The following CDH4 variants were observed in gnomAD, a reference collection of about 807,000 sequenced individuals.
CDH4 encodes the protein cadherin-4.
Under a neutral mutation model 86.0 loss-of-function variants are expected in CDH4, and 33 were observed. The observed-to-expected ratio is 0.38, with a 90% CI of 0.29 to 0.51. The LOEUF is 0.51. Among genes scored for constraint, CDH4 ranks in the 20% least tolerant of loss-of-function variants. The pLI, the probability that CDH4 is intolerant of heterozygous loss-of-function variation, is 0.86. For missense variants in CDH4, 1,114 were observed against 1,307.4 expected, an observed-to-expected ratio of 0.85 and a Z score of 2.28; for synonymous variants, 555 against 549.4, an observed-to-expected ratio of 1.01 and a Z score of -0.14.
Position 61,582,555 on chromosome 20 carries a change from G to A in CDH4, c.170-161008G>A, listed in dbSNP as rs112321879. Among the ~76,000 whole-genome samples the A allele has an allele frequency of 6.6e-6, 1 of 152,166 alleles. No homozygotes were observed. Among genetic ancestry groups the A allele is most frequent in the Non-Finnish European group, 1.5e-5 (1 of 68,026 alleles). ...GTAGACTTCCCTCCCAGTGCTTCCG[G>A]GGAGAGTCTCCCCAGTTGCACCCAG... On this transcript the variant is annotated intron_variant, in intron 2 of 15. Coordinates refer to ENST00000614565, the MANE Select transcript of CDH4 (RefSeq NM_001794.5). The surrounding 1 kb of genome is among the most constrained non-coding windows in gnomAD (Gnocchi z 4.2).
chr20:61,565,080 G>GTGCTCT (rs2086256059), intron 2 of CDH4, among the ~76,000 whole-genome samples: 1 of 125,674 alleles, frequency 8.0e-6, no homozygotes, highest in Admixed American at 7.7e-5. Context: ...GGTGGTGGTG[G>GTGCTCT]TGGTGGTGCT....
At chr20:61,839,802 A>G (rs1047062283) in intron 4 of CDH4, among the ~76,000 whole-genome samples, 1 of 148,422 alleles carries the variant, frequency 6.7e-6, no homozygotes, top group Non-Finnish European at 1.5e-5. Context: ...CTGTGTGTGT[A>G]TTGAGTGCAC....
intron 11 of CDH4, among the ~76,000 whole-genome samples, chr20:61,927,901 C>T (rs1057275249): frequency 1.2e-4 from 18 of 151,446 alleles, no homozygotes; most frequent in Non-Finnish European, 2.2e-4. Flanking sequence ...TGTGCAGCTG[C>T]GGGTGTGGGT....
intron 4 of CDH4, among the ~76,000 whole-genome samples, chr20:61,787,081 C>T (rs1238286823): frequency 4.6e-5 from 7 of 151,930 alleles, no homozygotes; most frequent in African/African-American, 1.7e-4. Flanking sequence ...CTGTGGTGGC[C>T]ATTATCCATC....
intron 2 of CDH4, among the ~76,000 whole-genome samples, chr20:61,462,834 G>A (rs1261669601): frequency 6.6e-6 from 1 of 152,190 alleles, no homozygotes; most frequent in South Asian, 2.1e-4. Flanking sequence ...AAGGAGGGAG[G>A]TGGACAGTCA....
intron 2 of CDH4, among the ~76,000 whole-genome samples, chr20:61,658,060 A>T (rs1270418034): frequency 1.3e-5 from 2 of 152,130 alleles, no homozygotes; most frequent in African/African-American, 4.8e-5. Context: ...TAAGTCTCCC[A>T]GGACCCCAGC....
intron 2 of CDH4, among the ~76,000 whole-genome samples, chr20:61,334,870 A>C (rs1440007040): frequency 6.6e-6 from 1 of 152,178 alleles, no homozygotes; most frequent in Non-Finnish European, 1.5e-5. Context: ...TGTGCTGAGA[A>C]ACTCCACTTT....
chr20:61,710,357 G>A (rs781172107), intron 2 of CDH4, among the ~76,000 whole-genome samples: 1 of 152,192 alleles, frequency 6.6e-6, no homozygotes, highest in Non-Finnish European at 1.5e-5. Context: ...TGAAGGCATT[G>A]AGTGCTTGAG....
chr20:61,735,233 G>A (rs1407200950), intron 2 of CDH4, among the ~76,000 whole-genome samples: 1 of 152,174 alleles, frequency 6.6e-6, no homozygotes, highest in Non-Finnish European at 1.5e-5. Flanking sequence ...GGACTCCCCC[G>A]TCTCCCCAGC....
At chr20:61,404,054 T>C (rs2085065342) in intron 2 of CDH4, among the ~76,000 whole-genome samples, 1 of 152,190 alleles carries the variant, frequency 6.6e-6, no homozygotes, top group Non-Finnish European at 1.5e-5. Flanking sequence ...CACATGCCGT[T>C]GATCAGAAAG....
At chr20:61,746,055 G>A (rs930167810) in intron 3 of CDH4, among the ~76,000 whole-genome samples, 6 of 152,094 alleles carry the variant, frequency 3.9e-5, no homozygotes, top group African/African-American at 1.2e-4. Flanking sequence ...CATGTCCCAG[G>A]CTCAGCGCAC....
chr20:61,323,477 C>T (rs2084520071), intron 2 of CDH4, among the ~76,000 whole-genome samples: 1 of 152,208 alleles, frequency 6.6e-6, no homozygotes, highest in African/African-American at 2.4e-5. Flanking sequence ...AACAATACAC[C>T]AAACACAAAA....
At chr20:61,617,061 G>A (rs2086730944) in intron 2 of CDH4, among the ~76,000 whole-genome samples, 1 of 152,200 alleles carries the variant, frequency 6.6e-6, no homozygotes, top group African/African-American at 2.4e-5. Flanking sequence ...ACACCCACAA[G>A]TGACTTGGAA....
At chr20:61,571,316 G>A (rs1251101825) in intron 2 of CDH4, among the ~76,000 whole-genome samples, 6 of 152,160 alleles carry the variant, frequency 3.9e-5, no homozygotes, top group Non-Finnish European at 8.8e-5. Context: ...ACTCAGGTGC[G>A]TGGCTGATGT....
chr20:61,527,857 C>T (rs576446751), intron 2 of CDH4, among the ~76,000 whole-genome samples: 7 of 152,188 alleles, frequency 4.6e-5, no homozygotes, highest in African/African-American at 1.4e-4. Context: ...AGGGCAGCAG[C>T]ACTGGGCAGG....
chr20:61,286,028 T>C (rs1470345990), intron 2 of CDH4, among the ~76,000 whole-genome samples: 1 of 152,180 alleles, frequency 6.6e-6, no homozygotes, highest in Non-Finnish European at 1.5e-5. Context: ...TGCCCCAGAT[T>C]CCATGTGTTA....
chr20:61,295,860 C>T (rs2427044), intron 2 of CDH4, among the ~76,000 whole-genome samples: 120,086 of 152,184 alleles, frequency 0.79, 48,677 homozygotes, highest in Non-Finnish European at 0.88. Flanking sequence ...GGTCCCCGGC[C>T]GGCCGGAAGC....
chr20:61,776,785 G>A (rs1024773395), intron 4 of CDH4, among the ~76,000 whole-genome samples: 2 of 152,210 alleles, frequency 1.3e-5, no homozygotes, highest in African/African-American at 4.8e-5. Flanking sequence ...CGGGACTGGC[G>A]AGGCTTACAA....
intron 2 of CDH4, among the ~76,000 whole-genome samples, chr20:61,612,295 C>G (rs2086691401): frequency 6.6e-6 from 1 of 152,138 alleles, no homozygotes; most frequent in Admixed American, 6.5e-5. Flanking sequence ...CTGTAGTTAA[C>G]TACTGACCTG....
Sources: allele counts gnomAD v4.1 joint callset (sites outside exome capture counted in the v4.1 genomes callset), GRCh38; gene constraint gnomAD v4.1.1; non-coding constraint Gnocchi (gnomAD v3.1); transcripts MANE v1.5; gene names NCBI Gene and HGNC (gene_info 2026-07-23, HGNC 2026-07-21).